DYNC1I1: variants seen among roughly 807,000 people sequenced by gnomAD.
The protein encoded by DYNC1I1 is cytoplasmic dynein 1 intermediate chain 1.
In DYNC1I1, 43 loss-of-function variants were observed where a neutral mutation model predicts 86.6. The ratio of observed to expected loss-of-function variants is 0.50; its 90% CI spans 0.39 to 0.64. The LOEUF is 0.64. Ranked by LOEUF, DYNC1I1 falls within the 30% of genes least tolerant of loss-of-function variation. The probability of loss-of-function intolerance (pLI) is 0.00; values close to 1 mark genes in which losing one functional copy is unlikely to be tolerated. For missense variants in DYNC1I1, 604 were observed against 788.8 expected, an observed-to-expected ratio of 0.77 and a Z score of 2.81; for synonymous variants, 262 against 283.7, an observed-to-expected ratio of 0.92 and a Z score of 0.77.
At chr7:95,932,358 GA>G (rs1377065480) in intron 6 of DYNC1I1, among the ~76,000 whole-genome samples, 1 of 151,886 alleles carries the variant, frequency 6.6e-6, no homozygotes, top group African/African-American at 2.4e-5. Flanking sequence ...CTACTATAAA[GA>G]AAAAAGGGGT....
intron 14 of DYNC1I1, among the ~76,000 whole-genome samples, chr7:96,042,076 AT>A (rs1432403659): frequency 2.0e-5 from 3 of 152,194 alleles, no homozygotes; most frequent in South Asian, 2.1e-4. Context: ...TATTTTAAGG[AT>A]TTTTTTAAAC....
At chr7:95,920,705 T>C (rs2116375321) in intron 6 of DYNC1I1, among the ~76,000 whole-genome samples, 1 of 152,306 alleles carries the variant, frequency 6.6e-6, no homozygotes, top group South Asian at 2.1e-4. Context: ...TTCCTAAATC[T>C]TGGTTGATTT....
At chr7:95,956,787 G>A (rs1792728429) in intron 6 of DYNC1I1, among the ~76,000 whole-genome samples, 1 of 152,158 alleles carries the variant, frequency 6.6e-6, no homozygotes, top group Admixed American at 6.5e-5. Context: ...TATCATTGAT[G>A]GGCATTTGGG....
In DYNC1I1 at chr7:95,950,622, T is replaced by C. The variant is rs529944098; in HGVS notation, c.491-26890T>C. ...GACATCTGCAACTCTCATGGCAGAA[T>C]TCGGTAAAACTGAATTCAGAGTCCT... is the stretch of plus-strand genomic sequence containing the variant. On this transcript the variant is annotated intron_variant, in intron 6 of 16. Coordinates refer to ENST00000447467, the MANE Select transcript of DYNC1I1 (RefSeq NM_001135556.2). Among the ~76,000 whole-genome samples the C allele has an allele frequency of 5.9e-5, 9 of 152,290 alleles. No homozygotes were observed. In the East Asian group the frequency reaches 1.7e-3, roughly 29 times the overall value.
chr7:95,960,402 C>T (rs529232576), intron 6 of DYNC1I1, among the ~76,000 whole-genome samples: 6 of 152,118 alleles, frequency 3.9e-5, no homozygotes, highest in Non-Finnish European at 8.8e-5. Flanking sequence ...CCACCACGCC[C>T]GGCCAAATGC....
chr7:96,091,177 C>A (rs138819476), intron 16 of DYNC1I1, among the ~76,000 whole-genome samples: 435 of 152,170 alleles, frequency 2.9e-3, no homozygotes, highest in African/African-American at 9.9e-3. Flanking sequence ...GCTTTTAGAG[C>A]TTAGAGGGGG....
intron 9 of DYNC1I1, among the ~76,000 whole-genome samples, chr7:95,992,000 C>T (rs1224183789): frequency 6.6e-6 from 1 of 152,220 alleles, no homozygotes; most frequent in African/African-American, 2.4e-5. Context: ...GCTGGGATTA[C>T]AGGAGCAAGC....
intron 10 of DYNC1I1, among the ~76,000 whole-genome samples, chr7:96,003,994 A>C (rs1794080041): frequency 6.6e-6 from 1 of 152,246 alleles, no homozygotes; most frequent in South Asian, 2.1e-4. Context: ...CTCCTGGAAT[A>C]AATAAATAAT....
intron 1 of DYNC1I1, among the ~76,000 whole-genome samples, chr7:95,796,747 CT>C (rs1794448129): frequency 6.6e-6 from 1 of 151,988 alleles, no homozygotes; most frequent in Admixed American, 6.6e-5. Flanking sequence ...TTAGAATCAA[CT>C]CTATCTTATC....
chr7:96,071,237 A>C (rs770371543), intron 14 of DYNC1I1, among the ~76,000 whole-genome samples: 6 of 152,224 alleles, frequency 3.9e-5, no homozygotes, highest in Non-Finnish European at 7.3e-5. Flanking sequence ...ATAAAGGAAG[A>C]TGGCTTTAAT....
chr7:96,002,906 C>A lies in DYNC1I1; in HGVS notation c.969+6833C>A, dbSNP rs141932316. Among the ~76,000 whole-genome samples the A allele has an allele frequency of 4.6e-5, 7 of 151,992 alleles. No individual in the cohort carries two copies. In the South Asian group the frequency reaches 1.5e-3, roughly 32 times the overall value. ...GTCATGAGGCTGGCGTACAGCAGCA[C>A]GATCTCAGCTCACTGCAACCTCAGA... On this transcript the variant is annotated intron_variant, in intron 10 of 16. Coordinates refer to ENST00000447467, the MANE Select transcript of DYNC1I1 (RefSeq NM_001135556.2).
chr7:95,966,529 G>A lies in DYNC1I1; in HGVS notation c.491-10983G>A, dbSNP rs532553008. Among the ~76,000 whole-genome samples the A allele has an allele frequency of 2.6e-5, 4 of 152,252 alleles. No individual in the cohort carries two copies. The South Asian group carries it at 8.3e-4, about 32-fold the overall frequency. On this transcript the variant is annotated intron_variant, in intron 6 of 16. Transcript: ENST00000447467. Reference sequence around the variant, plus strand: ...ACAGTTCCCCTTTTCTCTTCATACTGTTCGGTACTGTTTAGCTGTAGAAAT... The same window carrying A: ...ACAGTTCCCCTTTTCTCTTCATACTATTCGGTACTGTTTAGCTGTAGAAAT...
chr7:95,995,824 A>T, intron 9 of DYNC1I1, 124 bp from the exon 10 acceptor site: 1 of 1,346,510 alleles, frequency 7.4e-7, no homozygotes, highest in Non-Finnish European at 1.0e-6. Flanking sequence ...GATAGTAGGT[A>T]TGCCACAACA....
chr7:95,833,304 G>T (rs1446789297), intron 5 of DYNC1I1, among the ~76,000 whole-genome samples: 3 of 148,122 alleles, frequency 2.0e-5, no homozygotes, highest in Non-Finnish European at 4.5e-5. Flanking sequence ...ATTTCTGAGG[G>T]CTCTGTTCTG....
intron 6 of DYNC1I1, among the ~76,000 whole-genome samples, chr7:95,914,458 G>C (rs1410416786): frequency 6.6e-6 from 1 of 152,082 alleles, no homozygotes. Flanking sequence ...GTCTTTTTTT[G>C]ATGCAGACAA....
intron 2 of DYNC1I1, among the ~76,000 whole-genome samples, chr7:95,809,018 C>T (rs988477855): frequency 4.6e-5 from 7 of 152,132 alleles, no homozygotes; most frequent in Non-Finnish European, 1.0e-4. Flanking sequence ...GATATCTTCA[C>T]TGATAAGAGA....
intron 5 of DYNC1I1, among the ~76,000 whole-genome samples, chr7:95,835,298 A>T (rs1789047408): frequency 8.4e-6 from 1 of 118,812 alleles, no homozygotes; most frequent in South Asian, 3.2e-4. Context: ...GAGATTCTTA[A>T]TCCTGAGTTC....
At position 96,025,967 on chromosome 7, in the gene DYNC1I1, T is replaced by C. The variant is rs558195180; in HGVS notation, c.970-2208T>C. ...ATTTGAGCTTTGGTAAATTCAATTGTCGATACCACCTGGATAATTTTAAAT... is the reference window on the plus strand; with the variant it reads ...ATTTGAGCTTTGGTAAATTCAATTGCCGATACCACCTGGATAATTTTAAAT... On this transcript the variant is annotated intron_variant, in intron 10 of 16. Transcript: ENST00000447467. 1.1e-4 allele frequency among the ~76,000 whole-genome samples: 17 copies of C among 152,304 alleles called. No homozygotes were observed. The South Asian group carries it at 3.3e-3, about 30-fold the overall frequency.
intron 14 of DYNC1I1, among the ~76,000 whole-genome samples, chr7:96,042,097 A>C (rs1187361125): frequency 6.6e-6 from 1 of 152,112 alleles, no homozygotes; most frequent in Non-Finnish European, 1.5e-5. Flanking sequence ...CTACCAAAAA[A>C]AATCTAAAAT....
Sources: gnomAD v4.1 joint callset for allele counts (sites outside exome capture counted in the v4.1 genomes callset) on GRCh38, gnomAD v4.1.1 for gene constraint, MANE v1.5 for transcripts, NCBI Gene and HGNC (gene_info 2026-07-23, HGNC 2026-07-21) for gene names.